PTPRU: variants seen among roughly 807,000 people sequenced by gnomAD.
The protein encoded by PTPRU is receptor-type tyrosine-protein phosphatase U.
In PTPRU, 69 loss-of-function variants were observed where a neutral mutation model predicts 166.3. That is an observed-to-expected ratio of 0.41 (90% confidence interval 0.34 to 0.51). The LOEUF is 0.51. Among genes scored for constraint, PTPRU ranks in the 20% least tolerant of loss-of-function variants. The pLI, the probability that PTPRU is intolerant of heterozygous loss-of-function variation, is 0.09. For synonymous variants in PTPRU, 793 were observed against 814.0 expected (o/e 0.97, Z 0.44); for missense variants, 1,657 against 2,013.7 (o/e 0.82, Z 3.39).
chr1:29,319,556 G>A (rs757259036), intron 25 of PTPRU, among the ~76,000 whole-genome samples: 3 of 152,232 alleles, frequency 2.0e-5, no homozygotes, highest in African/African-American at 4.8e-5. Context: ...AGCCCTGTTG[G>A]GCACCCAGGC....
At chr1:29,247,472 A>G (rs547956443) in intron 1 of PTPRU, among the ~76,000 whole-genome samples, 32 of 152,356 alleles carry the variant, frequency 2.1e-4, no homozygotes, top group African/African-American at 7.5e-4. Context: ...GCACTGTGGC[A>G]CAGCAGAGGC....
chr1:29,244,877 G>A (rs1684222188), intron 1 of PTPRU, among the ~76,000 whole-genome samples: 1 of 152,164 alleles, frequency 6.6e-6, no homozygotes, highest in Non-Finnish European at 1.5e-5. Context: ...ATTTGCATGC[G>A]TGCGGTCATC....
In PTPRU at chr1:29,260,855, G is replaced by A; in HGVS notation, c.1096G>A (p.Gly366Ser). 6.2e-7 allele frequency: 1 copy of A among 1,604,216 alleles called. No homozygotes were observed. Among genetic ancestry groups the A allele is most frequent in the Non-Finnish European group, 8.5e-7 (1 of 1,176,786 alleles). Residue 366 changes from glycine to serine, a missense_variant, in exon 7 of 30, where the codon GGC (glycine) becomes AGC (serine). Coordinates refer to ENST00000373779, the MANE Select transcript of PTPRU (RefSeq NM_133178.4). This position sits in a 1 kb window ranked among gnomAD's most constrained non-coding sequence, Gnocchi z 8.3. ...SVLLTRPGDG[G>S]TGRPGPPLIS... ...GCTGCTCACGCGTCCCGGAGACGGC[G>A]GCACTGGCCGCCCTGGGCCACCCCT...
intron 18 of PTPRU, among the ~76,000 whole-genome samples, chr1:29,307,346 T>C (rs1345404286): frequency 6.6e-6 from 1 of 152,224 alleles, no homozygotes; most frequent in Non-Finnish European, 1.5e-5. Flanking sequence ...AGAGTGTTCC[T>C]ATTGTAAGCA....
At chr1:29,250,452 A>T (rs1025082246) in intron 1 of PTPRU, among the ~76,000 whole-genome samples, 22 of 152,236 alleles carry the variant, frequency 1.4e-4, no homozygotes, top group African/African-American at 4.3e-4. Flanking sequence ...GGCCTTGAGT[A>T]AGCAGCTGTA....
In PTPRU at chr1:29,271,402, G is replaced by C. The variant is rs1004304473; in HGVS notation, c.1145-4046G>C. 2.0e-5 allele frequency among the ~76,000 whole-genome samples: 3 copies of C among 152,082 alleles called. No homozygotes were observed. Among genetic ancestry groups the C allele is most frequent in the Admixed American group, 6.5e-5 (1 of 15,270 alleles). On this transcript the variant is annotated intron_variant, in intron 7 of 29. Transcript: ENST00000373779. This position sits in a 1 kb window ranked among gnomAD's most constrained non-coding sequence, Gnocchi z 4.4. Reference sequence around the variant, plus strand: ...CCTGGATCTGTCCAGATATGATCAGGGTAGGCAGGAAGAAAAAAGAAAAGT... The same window carrying C: ...CCTGGATCTGTCCAGATATGATCAGCGTAGGCAGGAAGAAAAAAGAAAAGT...
chr1:29,289,882 C>G (rs1038187080), intron 14 of PTPRU, among the ~76,000 whole-genome samples: 33 of 152,174 alleles, frequency 2.2e-4, no homozygotes, highest in Non-Finnish European at 2.9e-5. Flanking sequence ...CTCTGTCCTT[C>G]CCCTCTGCAT....
At position 29,237,598 on chromosome 1, in the gene PTPRU, A is replaced by G. The variant is rs906007897; in HGVS notation, c.73+881A>G. Among the ~76,000 whole-genome samples the G allele has an allele frequency of 6.6e-6, 1 of 151,298 alleles. No homozygotes were observed. Among genetic ancestry groups the G allele is most frequent in the African/African-American group, 2.4e-5 (1 of 41,144 alleles). On this transcript the variant is annotated intron_variant, in intron 1 of 29. Transcript: ENST00000373779. This position sits in a 1 kb window ranked among gnomAD's most constrained non-coding sequence, Gnocchi z 6.4. ...GCGCGTGTGTGGCGCGCTGGGCCGG[A>G]ACAAGTTGTCGCGGCGGCGCCCCCT...
intron 3 of PTPRU, among the ~76,000 whole-genome samples, chr1:29,259,052 G>A (rs1388396707): frequency 6.6e-6 from 1 of 152,160 alleles, no homozygotes; most frequent in Non-Finnish European, 1.5e-5. Context: ...AACTGTCCAG[G>A]ATTTGGGTGG....
chr1:29,314,871 GCCT>G (rs1687827685), intron 22 of PTPRU, among the ~76,000 whole-genome samples: 1 of 152,170 alleles, frequency 6.6e-6, no homozygotes, highest in Non-Finnish European at 1.5e-5. Flanking sequence ...GAGCCACCGT[GCCT>G]GGCCACGAAG....
rs565210236 is a variant in PTPRU at position 29,289,577 on chromosome 1, C to T, written c.2319-2292C>T. 220 of 1,375,292 alleles carry T rather than the reference C, an allele frequency of 1.6e-4. 2 individuals are homozygous for T. In the African/African-American group the frequency reaches 2.8e-3, roughly 17 times the overall value. 85.2% of individuals were successfully genotyped at this position (1,375,292 alleles called of 1,614,324 possible). On this transcript the variant is annotated intron_variant, in intron 14 of 29. Transcript: ENST00000373779. ...TCCCTGGCCAGCCCCCTCCCCAGCCCGGGAGGTACCCAGGCCCCACCCTGC... is the reference window on the plus strand; with the variant it reads ...TCCCTGGCCAGCCCCCTCCCCAGCCTGGGAGGTACCCAGGCCCCACCCTGC...
chr1:29,278,269 T>C (rs994456752), intron 8 of PTPRU, among the ~76,000 whole-genome samples: 2 of 152,206 alleles, frequency 1.3e-5, no homozygotes, highest in African/African-American at 4.8e-5. Context: ...CTGCACAGCA[T>C]TGGCCTAGAT....
chr1:29,264,133 C>T (rs994155096), intron 7 of PTPRU, among the ~76,000 whole-genome samples: 1 of 151,220 alleles, frequency 6.6e-6, no homozygotes, highest in Non-Finnish European at 1.5e-5. Flanking sequence ...GAGATGGTGC[C>T]ACTGCACTCC....
rs1337408839 is a variant in PTPRU at position 29,260,364 on chromosome 1, T to C, written c.851-246T>C. Reference sequence around the variant, plus strand: ...CTCCAGGAGGCGAGGATGTGGGGGATTAGGAGGGGCCTGAGAGAGGGGTTG... The same window carrying C: ...CTCCAGGAGGCGAGGATGTGGGGGACTAGGAGGGGCCTGAGAGAGGGGTTG... On this transcript the variant is annotated intron_variant, in intron 6 of 29. Transcript: ENST00000373779. The surrounding 1 kb of genome is among the most constrained non-coding windows in gnomAD (Gnocchi z 8.3). 1 of 470,704 alleles carries C rather than the reference T, an allele frequency of 2.1e-6. No individual in the cohort carries two copies. Among genetic ancestry groups the C allele is most frequent in the Non-Finnish European group, 3.7e-6 (1 of 273,280 alleles). The allele number at this position is 470,704 out of a possible 1,614,324, so 29.2% of individuals were successfully genotyped here.
intron 7 of PTPRU, among the ~76,000 whole-genome samples, 186 bp downstream of exon 7, chr1:29,261,089 T>C (rs1685044299): frequency 6.6e-6 from 1 of 152,240 alleles, no homozygotes; most frequent in Non-Finnish European, 1.5e-5. Flanking sequence ...CTTAAACATA[T>C]CTGTGTGTAG....
intron 17 of PTPRU, among the ~76,000 whole-genome samples, chr1:29,305,053 C>A (rs1687324122): frequency 6.6e-6 from 1 of 152,288 alleles, no homozygotes; most frequent in African/African-American, 2.4e-5. Context: ...TACTATAATC[C>A]CTGTTTTACA....
At chr1:29,241,171 C>T (rs1250361117) in intron 1 of PTPRU, among the ~76,000 whole-genome samples, 6 of 152,112 alleles carry the variant, frequency 3.9e-5, no homozygotes, top group Admixed American at 3.9e-4. Flanking sequence ...CCTGGGGAGC[C>T]TGGTGCTAAG....
chr1:29,278,752 A>C (rs1222984436), intron 8 of PTPRU, among the ~76,000 whole-genome samples: 2 of 152,228 alleles, frequency 1.3e-5, no homozygotes, highest in Non-Finnish European at 2.9e-5. Context: ...AATGCCAGCT[A>C]TCCATTTTGA....
intron 22 of PTPRU, among the ~76,000 whole-genome samples, chr1:29,313,875 A>T (rs764452589): frequency 9.2e-5 from 14 of 152,252 alleles, no homozygotes; most frequent in Non-Finnish European, 5.9e-5. Flanking sequence ...TTTTTTTTTA[A>T]AGTTAAGAAA....
Sources: gnomAD v4.1 joint callset for allele counts (sites outside exome capture counted in the v4.1 genomes callset) on GRCh38, gnomAD v4.1.1 for gene constraint, Gnocchi (gnomAD v3.1) non-coding constraint, MANE v1.5 for transcripts, NCBI Gene and HGNC (gene_info 2026-07-23, HGNC 2026-07-21) for gene names.